SLCO3A1: variants seen among roughly 807,000 people sequenced by gnomAD.
The protein encoded by SLCO3A1 is PGE1 transporter.
Under a neutral mutation model 63.1 loss-of-function variants are expected in SLCO3A1, and 27 were observed. The ratio of observed to expected loss-of-function variants is 0.43; its 90% CI spans 0.32 to 0.59. The LOEUF (loss-of-function observed/expected upper bound fraction) is 0.59. Ranked by LOEUF, SLCO3A1 falls within the 20% of genes least tolerant of loss-of-function variation. The pLI is 0.09. For synonymous variants in SLCO3A1, 473 were observed against 409.9 expected, an observed-to-expected ratio of 1.15 and a Z score of -1.86; for missense variants, 773 against 945.8, an observed-to-expected ratio of 0.82 and a Z score of 2.40.
intron 2 of SLCO3A1, among the ~76,000 whole-genome samples, chr15:91,986,483 G>A (rs1217761588): frequency 6.6e-6 from 1 of 151,762 alleles, no homozygotes; most frequent in Non-Finnish European, 1.5e-5. Context: ...TTTTTTTAAA[G>A]TATGCAGAAA....
intron 2 of SLCO3A1, among the ~76,000 whole-genome samples, chr15:92,043,425 G>A (rs968018890): frequency 6.6e-6 from 1 of 152,204 alleles, no homozygotes; most frequent in Non-Finnish European, 1.5e-5. Flanking sequence ...AGCGATAGCA[G>A]GCCCCAGATG....
chr15:92,110,926 T>TGAC (rs2047721418), intron 4 of SLCO3A1, among the ~76,000 whole-genome samples: 1 of 152,150 alleles, frequency 6.6e-6, no homozygotes, highest in Admixed American at 6.5e-5. Flanking sequence ...AGCCCACATG[T>TGAC]GACTACCTGT....
At chr15:91,881,940 G>C (rs768063453) in intron 1 of SLCO3A1, among the ~76,000 whole-genome samples, 2 of 152,036 alleles carry the variant, frequency 1.3e-5, no homozygotes, top group Non-Finnish European at 2.9e-5. Context: ...CCCTCTCTTC[G>C]GGTCTCTTTT....
At chr15:92,128,778 A>G (rs1159133981) in intron 7 of SLCO3A1, among the ~76,000 whole-genome samples, 1 of 152,210 alleles carries the variant, frequency 6.6e-6, no homozygotes, top group Non-Finnish European at 1.5e-5. Flanking sequence ...TGCAGTGTCA[A>G]TGAAATAGGA....
intron 2 of SLCO3A1, among the ~76,000 whole-genome samples, chr15:92,082,410 C>T (rs542804540): frequency 1.3e-5 from 2 of 152,318 alleles, no homozygotes; most frequent in East Asian, 3.9e-4. Flanking sequence ...CAAGGATGTT[C>T]AAGCAGCCTG....
At chr15:92,152,477 G>A (rs566473264) in intron 9 of SLCO3A1, among the ~76,000 whole-genome samples, 1 of 152,340 alleles carries the variant, frequency 6.6e-6, no homozygotes, top group African/African-American at 2.4e-5. Context: ...CTCTAGGTGT[G>A]AAGATGCCCC....
intron 1 of SLCO3A1, among the ~76,000 whole-genome samples, chr15:91,890,779 C>T (rs952480356): frequency 2.0e-5 from 3 of 152,196 alleles, no homozygotes; most frequent in Non-Finnish European, 4.4e-5. Flanking sequence ...TTCCAGCCAG[C>T]CAATCCAGGT....
At chr15:92,065,918 C>G (rs1597277603) in intron 2 of SLCO3A1, among the ~76,000 whole-genome samples, 1 of 152,210 alleles carries the variant, frequency 6.6e-6, no homozygotes, top group East Asian at 1.9e-4. Flanking sequence ...TTTCCTGAGC[C>G]TGTTAGGAAA....
chr15:92,113,648 C>T (rs1316431129), intron 4 of SLCO3A1, among the ~76,000 whole-genome samples: 3 of 152,172 alleles, frequency 2.0e-5, no homozygotes, highest in Non-Finnish European at 2.9e-5. Context: ...GCAAGTTCAT[C>T]CGCAGCAATG....
intron 2 of SLCO3A1, among the ~76,000 whole-genome samples, chr15:91,927,472 CATGA>C (rs925513216): frequency 2.6e-5 from 4 of 152,078 alleles, no homozygotes; most frequent in African/African-American, 4.8e-5. Context: ...ATTCTGGGGA[CATGA>C]ATGAACTGGC....
rs185555078 is a variant in SLCO3A1 at position 92,091,642 on chromosome 15, C to T, written c.647-3239C>T. ...GAAGGCCCCTCCCACGTCCCACCAC[C>T]GGACTGTCCTTTGAAAAAGGTTCGA... On this transcript the variant is annotated intron_variant, in intron 2 of 9. Coordinates refer to ENST00000318445, the MANE Select transcript of SLCO3A1 (RefSeq NM_013272.4). 1.4e-3 allele frequency among the ~76,000 whole-genome samples: 211 copies of T among 152,310 alleles called. 2 individuals carry two copies. In the South Asian group the frequency reaches 0.035, roughly 25 times the overall value.
intron 2 of SLCO3A1, among the ~76,000 whole-genome samples, chr15:92,086,999 G>A (rs8041063): frequency 0.18 from 26,464 of 149,504 alleles, 4,041 homozygotes; most frequent in African/African-American, 0.38. Flanking sequence ...AAAAAAAAAG[G>A]AATATTTCTC....
rs201416983 is a variant in SLCO3A1 at position 92,146,994 on chromosome 15, G to T, written c.1523G>T (p.Gly508Val). The T allele has an allele frequency of 2.0e-5, 32 of 1,611,320 alleles. No individual in the cohort carries two copies. The highest frequency in any genetic ancestry group is 2.5e-5 in the Non-Finnish European group (30 of 1,178,862). ...FAGCNSTNLT[G>V]CACLTTVPAE... The stretch of plus-strand genomic sequence containing the variant: ...ACGCTTCCCTTTCAGAATCTCACGG[G>T]CTGTGCGTGCCTCACCACCGTCCCT... The change falls in exon 8 of 10, where the codon GGC (glycine) becomes GTC (valine). Residue 508 changes from glycine to valine, a missense_variant. By Grantham distance (109) the Gly-to-Val change is moderately radical (BLOSUM62 -3). Around this residue, in one of 3 missense-constraint regions of SLCO3A1, gnomAD observed 565 missense variants for 749.8 expected, o/e 0.75. Coordinates refer to ENST00000318445, the MANE Select transcript of SLCO3A1 (RefSeq NM_013272.4).
intron 3 of SLCO3A1, among the ~76,000 whole-genome samples, chr15:92,096,939 A>T (rs927435025): frequency 5.9e-5 from 9 of 152,326 alleles, no homozygotes; most frequent in South Asian, 4.1e-4. Flanking sequence ...GGCTGGGAAG[A>T]CACAGGACAC....
chr15:92,070,685 A>G (rs1173748185), intron 2 of SLCO3A1, among the ~76,000 whole-genome samples: 1 of 150,102 alleles, frequency 6.7e-6, no homozygotes, highest in Non-Finnish European at 1.5e-5. Flanking sequence ...GGAGGAAATG[A>G]TATTCGGGAT....
At chr15:92,082,982 C>T (rs2047364818) in intron 2 of SLCO3A1, among the ~76,000 whole-genome samples, 1 of 152,160 alleles carries the variant, frequency 6.6e-6, no homozygotes, top group Non-Finnish European at 1.5e-5. Flanking sequence ...CTTATCAAGG[C>T]ATAGTGAGAA....
intron 1 of SLCO3A1, among the ~76,000 whole-genome samples, chr15:91,869,968 T>C (rs1897249768): frequency 1.3e-5 from 2 of 152,188 alleles, no homozygotes; most frequent in Admixed American, 6.5e-5. Flanking sequence ...TCCTGAGGGC[T>C]GTTCACAGAA....
At chr15:91,971,165 G>T (rs1900846943) in intron 2 of SLCO3A1, among the ~76,000 whole-genome samples, 1 of 151,964 alleles carries the variant, frequency 6.6e-6, no homozygotes, top group Non-Finnish European at 1.5e-5. Flanking sequence ...GGAGGCCGAG[G>T]CGGGCGGATC....
rs1205985260 is a variant in SLCO3A1 at position 92,132,726 on chromosome 15, C to G, written c.1512+4237C>G. On this transcript the variant is annotated intron_variant, in intron 7 of 9. Transcript: ENST00000318445. ...ATGATAGATGACTAATTCATCCCCC[C>G]CATTCCAGGCAACAAATATTTATTG... Among the ~76,000 whole-genome samples, 23 of 145,468 alleles carry G rather than the reference C, an allele frequency of 1.6e-4. 2 individuals carry two copies. Among genetic ancestry groups the G allele is most frequent in the African/African-American group, 5.7e-4 (23 of 40,138 alleles).
Sources: allele counts gnomAD v4.1 joint callset (sites outside exome capture counted in the v4.1 genomes callset), GRCh38; gene constraint gnomAD v4.1.1; regional missense constraint gnomAD v4.1.1; transcripts MANE v1.5; gene names NCBI Gene and HGNC (gene_info 2026-07-23, HGNC 2026-07-21).